HSF2BP: variants seen among roughly 807,000 people sequenced by gnomAD.
The protein encoded by HSF2BP is heat shock transcription factor 2 binding protein.
Under a neutral mutation model 35.0 loss-of-function variants are expected in HSF2BP, and 35 were observed. The ratio of observed to expected loss-of-function variants is 1.00; its 90% CI spans 0.76 to 1.32. The LOEUF is 1.32. HSF2BP is among the 40% of genes most tolerant of loss of function. The probability of loss-of-function intolerance (pLI) is 0.00; values close to 1 mark genes in which losing one functional copy is unlikely to be tolerated. For missense variants in HSF2BP, 326 were observed against 321.7 expected, an observed-to-expected ratio of 1.01 and a Z score of -0.10; for synonymous variants, 114 against 117.4, an observed-to-expected ratio of 0.97 and a Z score of 0.18.
intron 1 of HSF2BP, 32 bp from the exon 2 acceptor site, chr21:43,658,352 G>GT: frequency 1.9e-6 from 1 of 526,154 alleles, no homozygotes; most frequent in Non-Finnish European, 3.3e-6. Context: ...AGCCCCTGAT[G>GT]TAAGTGTCAA....
At chr21:43,651,924 G>C (rs937922213) in intron 3 of HSF2BP, among the ~76,000 whole-genome samples, 4 of 152,212 alleles carry the variant, frequency 2.6e-5, no homozygotes, top group Non-Finnish European at 5.9e-5. Flanking sequence ...TGCTGGGCTA[G>C]AGTCAAAATC....
In HSF2BP at chr21:43,630,328, C is replaced by A; in HGVS notation, c.568G>T (p.Val190Phe). The change falls in exon 6 of 9, where the codon GTC becomes TTC. Residue 190 changes from valine to phenylalanine, a missense_variant. Val to Phe is a conservative substitution (Grantham distance 50, BLOSUM62 -1). Transcript: ENST00000291560. Reference protein sequence around the residue: ...SQFVFALAGIVTNVAAIACGR... With the variant: ...SQFVFALAGIFTNVAAIACGR... Reference sequence around the variant, plus strand: ...CAGGTGCGCCTGCACTTACTCGTGACAATTCCAGCCAGAGCGAAAACAAAC... The same window carrying A: ...CAGGTGCGCCTGCACTTACTCGTGAAAATTCCAGCCAGAGCGAAAACAAAC... The A allele has an allele frequency of 6.2e-7, 1 of 1,611,406 alleles. No homozygotes were observed. The highest frequency in any genetic ancestry group is 8.5e-7 in the Non-Finnish European group (1 of 1,179,024).
chr21:43,579,815 T>C (rs962098575), intron 8 of HSF2BP, among the ~76,000 whole-genome samples: 11 of 152,270 alleles, frequency 7.2e-5, no homozygotes, highest in Non-Finnish European at 8.8e-5. Context: ...AAATGGTTTC[T>C]GTCCCTCTTT....
intron 7 of HSF2BP, among the ~76,000 whole-genome samples, chr21:43,612,205 C>T (rs538032226): frequency 6.6e-5 from 10 of 152,126 alleles, no homozygotes; most frequent in Non-Finnish European, 1.5e-4. Context: ...CCAGTGATCA[C>T]GTAAATGTCC....
chr21:43,575,866 C>T (rs1449390693), intron 8 of HSF2BP, among the ~76,000 whole-genome samples: 1 of 152,182 alleles, frequency 6.6e-6, no homozygotes. Flanking sequence ...TGCCTGTAAT[C>T]CCAACACTCT....
At position 43,630,336 on chromosome 21, in the gene HSF2BP, G is replaced by C; in HGVS notation, c.560C>G (p.Ala187Gly). 6.2e-7 allele frequency: 1 copy of C among 1,611,934 alleles called. No homozygotes were observed. The highest frequency in any genetic ancestry group is 8.5e-7 in the Non-Finnish European group (1 of 1,179,278). The change falls in exon 6 of 9, where the codon GCT becomes GGT. Residue 187 changes from alanine to glycine, a missense_variant. Coordinates refer to ENST00000291560, the MANE Select transcript of HSF2BP (RefSeq NM_007031.2). ...SDESQFVFAL[A>G]GIVTNVAAIA... ...CCTGCACTTACTCGTGACAATTCCA[G>C]CCAGAGCGAAAACAAACTGACTTTC...
intron 5 of HSF2BP, 135 bp downstream of exon 5, chr21:43,633,137 A>C: frequency 3.3e-6 from 3 of 899,042 alleles, no homozygotes; most frequent in Non-Finnish European, 5.0e-6. Context: ...ATAAGTATTC[A>C]ATAACTAGCT....
chr21:43,628,086 CCT>C (rs1414768317), intron 6 of HSF2BP, among the ~76,000 whole-genome samples: 2 of 152,114 alleles, frequency 1.3e-5, no homozygotes, highest in African/African-American at 4.8e-5. Flanking sequence ...CTTGCTATTC[CCT>C]GAGACACAAC....
chr21:43,652,400 C>CA (rs35714746), intron 3 of HSF2BP, among the ~76,000 whole-genome samples: 4,111 of 89,248 alleles, frequency 0.046, 257 homozygotes, highest in African/African-American at 0.15. Flanking sequence ...CAGACACCAT[C>CA]AAAAAAAAAA....
At chr21:43,610,774 T>C (rs1208762836) in intron 7 of HSF2BP, among the ~76,000 whole-genome samples, 7 of 152,194 alleles carry the variant, frequency 4.6e-5, no homozygotes, top group Admixed American at 1.3e-4. Context: ...TCTTATCAAA[T>C]TGAAAATGTC....
At chr21:43,572,565 T>C (rs1435351514) in intron 8 of HSF2BP, among the ~76,000 whole-genome samples, 1 of 152,222 alleles carries the variant, frequency 6.6e-6, no homozygotes, top group Non-Finnish European at 1.5e-5. Context: ...ACAAAGCCAG[T>C]GGACAGAACT....
intron 7 of HSF2BP, among the ~76,000 whole-genome samples, chr21:43,593,431 C>A (rs1201154869): frequency 2.0e-5 from 3 of 152,018 alleles, no homozygotes; most frequent in Non-Finnish European, 4.4e-5. Flanking sequence ...GAGTTCATAA[C>A]AAAAATCATA....
At chr21:43,644,122 T>A (rs1287176254) in intron 4 of HSF2BP, among the ~76,000 whole-genome samples, 167 bp downstream of exon 4, 7 of 152,196 alleles carry the variant, frequency 4.6e-5, no homozygotes, top group Non-Finnish European at 1.0e-4. Flanking sequence ...GGTTATAAAA[T>A]CCATCTGTTC....
intron 4 of HSF2BP, among the ~76,000 whole-genome samples, chr21:43,643,313 C>T (rs1188928394): frequency 6.6e-6 from 1 of 152,000 alleles, no homozygotes; most frequent in Non-Finnish European, 1.5e-5. Context: ...CCCCTGCAAA[C>T]TCATGTTGAA....
At chr21:43,594,705 C>A (rs765610692) in intron 7 of HSF2BP, among the ~76,000 whole-genome samples, 1 of 148,520 alleles carries the variant, frequency 6.7e-6, no homozygotes, top group African/African-American at 2.5e-5. Flanking sequence ...GGAAGAAAGA[C>A]GGTGGGAGGA....
intron 7 of HSF2BP, among the ~76,000 whole-genome samples, chr21:43,610,459 C>T (rs894529516): frequency 6.7e-6 from 1 of 148,228 alleles, no homozygotes; most frequent in Admixed American, 6.7e-5. Flanking sequence ...AAATTAGCTG[C>T]GCATGGTGGC....
At chr21:43,649,980 ATTGTGTCTTC>A (rs982490538) in intron 3 of HSF2BP, among the ~76,000 whole-genome samples, 3 of 152,188 alleles carry the variant, frequency 2.0e-5, no homozygotes, top group African/African-American at 7.2e-5. Flanking sequence ...TATCTGTGGG[ATTGTGTCTTC>A]TTGCGACTTC....
At chr21:43,581,226 A>G (rs1457574633) in intron 8 of HSF2BP, among the ~76,000 whole-genome samples, 2 of 152,136 alleles carry the variant, frequency 1.3e-5, no homozygotes, top group Non-Finnish European at 2.9e-5. Context: ...CTCTACTAAA[A>G]ATACGAAAAA....
intron 4 of HSF2BP, 87 bp from the exon 5 acceptor site, chr21:43,633,508 A>C: frequency 1.8e-6 from 2 of 1,121,200 alleles, no homozygotes; most frequent in Non-Finnish European, 2.5e-6. Flanking sequence ...AAAGATATTT[A>C]TTAAAGAAAT....
Sources: allele counts gnomAD v4.1 joint callset (sites outside exome capture counted in the v4.1 genomes callset), GRCh38; gene constraint gnomAD v4.1.1; transcripts MANE v1.5; gene names NCBI Gene and HGNC (gene_info 2026-07-23, HGNC 2026-07-21).